BCL2L11: variants seen among roughly 807,000 people sequenced by gnomAD.
BCL2L11 encodes bcl-2-like protein 11.
In BCL2L11, 15 loss-of-function variants were observed where a neutral mutation model predicts 20.6. That is an observed-to-expected ratio of 0.73 (90% CI 0.49 to 1.12). The LOEUF is 1.12. Among genes scored for constraint, BCL2L11 ranks in the 50% most tolerant of loss-of-function variants. The pLI is 0.00. For missense variants in BCL2L11, 292 were observed against 260.9 expected (o/e 1.12, Z -0.82); for synonymous variants, 108 against 92.8 (o/e 1.16, Z -0.94).
In BCL2L11 at chr2:111,168,197, C is replaced by T. The variant is rs2079118471; in HGVS notation, c.*3966C>T. 1 of 152,636 alleles carries T rather than the reference C, an allele frequency of 6.6e-6. No homozygotes were observed. The highest frequency in any genetic ancestry group is 1.5e-5 in the Non-Finnish European group (1 of 68,042). 9.5% of individuals were successfully genotyped at this position (152,636 alleles called of 1,614,324 possible). On this transcript the variant is annotated 3_prime_UTR_variant, in exon 4 of 4. Transcript: ENST00000393256. ...ATTCTGTGACCACTAGTTACTGTAT[C>T]AGAACTCATCAGGTACCCACTTATA...
intron 2 of BCL2L11, among the ~76,000 whole-genome samples, chr2:111,147,772 C>T (rs1434202911): frequency 6.6e-6 from 1 of 152,136 alleles, no homozygotes. Context: ...ACTTAATTTA[C>T]GAGTTAGGGG....
chr2:111,153,985 G>C, intron 3 of BCL2L11: 1 of 1,371,464 alleles, frequency 7.3e-7, no homozygotes, highest in Non-Finnish European at 9.4e-7. Flanking sequence ...GGGCTGAACG[G>C]CCTGGCCCCT....
intron 1 of BCL2L11, 50 bp from the exon 2 acceptor site, chr2:111,123,683 T>G: frequency 7.3e-7 from 1 of 1,370,832 alleles, no homozygotes; most frequent in South Asian, 2.2e-5. Context: ...TGTTTATTCA[T>G]CGATTTTTTT....
intron 2 of BCL2L11, among the ~76,000 whole-genome samples, chr2:111,137,633 C>CTT (rs575699231): frequency 1.9e-4 from 25 of 132,912 alleles, no homozygotes; most frequent in Admixed American, 3.0e-4. Flanking sequence ...TTCCTCCCCA[C>CTT]TTTTTTTTTT....
At chr2:111,160,763 C>A (rs543819847) in intron 3 of BCL2L11, among the ~76,000 whole-genome samples, 1 of 152,328 alleles carries the variant, frequency 6.6e-6, no homozygotes, top group South Asian at 2.1e-4. Flanking sequence ...TAAAAATAAT[C>A]TCCTTCACCC....
At chr2:111,128,967 T>A (rs756425285) in intron 2 of BCL2L11, 2 of 676,036 alleles carry the variant, frequency 3.0e-6, no homozygotes, top group East Asian at 3.3e-5. Context: ...GAGTGTGCAG[T>A]GCTGCTCTAG....
intron 2 of BCL2L11, chr2:111,130,044 C>A: frequency 2.8e-6 from 1 of 351,306 alleles, no homozygotes; most frequent in South Asian, 2.1e-5. Flanking sequence ...CATGTTCTGG[C>A]AAGGCCCTGG....
At chr2:111,151,715 A>G (rs1368332080) in intron 3 of BCL2L11, 5 of 907,290 alleles carry the variant, frequency 5.5e-6, no homozygotes, top group African/African-American at 3.3e-5. Flanking sequence ...GGATCTTCCT[A>G]CCTTTCTGTG....
At chr2:111,123,384 A>G in intron 1 of BCL2L11, 6 of 985,466 alleles carry the variant, frequency 6.1e-6, no homozygotes, top group Non-Finnish European at 7.2e-6. Flanking sequence ...GGGAAGTCAG[A>G]GCCGCTGGGA....
chr2:111,124,256 A>C, intron 2 of BCL2L11, 117 bp downstream of exon 2: 1 of 1,217,084 alleles, frequency 8.2e-7, no homozygotes. Context: ...TTCCATCTTT[A>C]GATGGGAATG....
intron 3 of BCL2L11, among the ~76,000 whole-genome samples, chr2:111,154,550 T>C (rs2077614892): frequency 6.6e-6 from 1 of 152,186 alleles, no homozygotes; most frequent in South Asian, 2.1e-4. Context: ...TTATCTGATA[T>C]TTCTGCATGA....
chr2:111,153,979 T>G (rs2077533508), intron 3 of BCL2L11: 1 of 1,402,194 alleles, frequency 7.1e-7, no homozygotes, highest in Admixed American at 2.9e-5. Flanking sequence ...CCTGCCGGGC[T>G]GAACGGCCTG....
intron 2 of BCL2L11, among the ~76,000 whole-genome samples, chr2:111,132,842 A>G (rs1181480142): frequency 6.6e-6 from 1 of 151,766 alleles, no homozygotes; most frequent in African/African-American, 2.4e-5. Context: ...TGTGTAGACA[A>G]GGTACCAGGC....
rs1005817183 is a variant in BCL2L11, at chr2:111,146,343, T to C, written c.395-3701T>C. 7 of 642,330 alleles carry C rather than the reference T, an allele frequency of 1.1e-5. No homozygotes were observed. The South Asian group carries it at 4.6e-4, about 42-fold the overall frequency. 39.8% of individuals were successfully genotyped at this position (642,330 alleles called of 1,614,324 possible). ...TGCAGATAGCAAAATAAAATATTTA[T>C]GCTTGGTTCTTACTTTTCTTATAAA... On this transcript the variant is annotated intron_variant, in intron 2 of 3. Coordinates refer to ENST00000393256, the MANE Select transcript of BCL2L11 (RefSeq NM_138621.5).
At position 111,138,770 on chromosome 2, in the gene BCL2L11, G is replaced by A. The variant is rs951171533; in HGVS notation, c.395-11274G>A. ...TGGGTCTGGAGCAGGTTTTGGGTCG[G>A]GTCCTGCCTGCCCTCCATGGAACCT... is the stretch of plus-strand genomic sequence containing the variant. On this transcript the variant is annotated intron_variant, in intron 2 of 3. Transcript: ENST00000393256. 3.9e-5 allele frequency among the ~76,000 whole-genome samples: 6 copies of A among 152,264 alleles called. No individual in the cohort carries two copies. In the East Asian group the frequency reaches 5.8e-4, roughly 15 times the overall value.
chr2:111,122,925 T>C, intron 1 of BCL2L11: 1 of 985,182 alleles, frequency 1.0e-6, no homozygotes, highest in Non-Finnish European at 1.2e-6. Flanking sequence ...GGCGCGGACG[T>C]GAGTTTCGGT....
intron 2 of BCL2L11, among the ~76,000 whole-genome samples, chr2:111,139,940 G>T (rs940312598): frequency 6.6e-6 from 1 of 152,222 alleles, no homozygotes; most frequent in Admixed American, 6.5e-5. Flanking sequence ...GCCTTTCTGT[G>T]TGGACCACGA....
chr2:111,166,735 C>T lies in BCL2L11; in HGVS notation c.*2504C>T, dbSNP rs1286388626. ...GTTTCATGAGTGATTCTTCAGATGCCCTTCCCAACTGGTTAGTTGATCAAG... is the reference window on the plus strand; with the variant it reads ...GTTTCATGAGTGATTCTTCAGATGCTCTTCCCAACTGGTTAGTTGATCAAG... On this transcript the variant is annotated 3_prime_UTR_variant, in exon 4 of 4. Transcript: ENST00000393256. 1 of 152,458 alleles carries T rather than the reference C, an allele frequency of 6.6e-6. No individual in the cohort carries two copies. The highest frequency in any genetic ancestry group is 1.5e-5 in the Non-Finnish European group (1 of 68,016). 9.4% of individuals were successfully genotyped at this position (152,458 alleles called of 1,614,324 possible). A position where few individuals can be genotyped will look rare whatever the true frequency, so the allele number is the denominator to read the frequency against.
chr2:111,135,185 G>A (rs2074644538), intron 2 of BCL2L11, among the ~76,000 whole-genome samples: 1 of 152,046 alleles, frequency 6.6e-6, no homozygotes, highest in Admixed American at 6.5e-5. Context: ...TTTTCCAGTA[G>A]ATTTTCTCTC....
Sources: gnomAD v4.1 joint callset for allele counts (sites outside exome capture counted in the v4.1 genomes callset) on GRCh38, gnomAD v4.1.1 for gene constraint, MANE v1.5 for transcripts, NCBI Gene and HGNC (gene_info 2026-07-23, HGNC 2026-07-21) for gene names.